Variants in FBXL17 observed in about 807,000 individuals in gnomAD.
The protein encoded by FBXL17 is F-box/LRR-repeat protein 17.
A neutral mutation model predicts 66.2 loss-of-function variants in FBXL17; 22 were observed. The observed-to-expected ratio is 0.33, with a 90% CI of 0.24 to 0.47. The LOEUF (loss-of-function observed/expected upper bound fraction) is 0.47. FBXL17 is among the 20% of genes least tolerant of loss of function. The pLI is 1.00. For synonymous variants in FBXL17, 474 were observed against 400.5 expected (o/e 1.18, Z -2.19); for missense variants, 878 against 948.2 (o/e 0.93, Z 0.97).
Position 108,112,633 on chromosome 5 carries a change from C to T in FBXL17, c.1745+73484G>A, listed in dbSNP as rs942748324. ...AGAAAAAACAATCAATATAAATAGACATATAAATGACATAGATGATAGAAT... is the reference window on the plus strand; with the variant it reads ...AGAAAAAACAATCAATATAAATAGATATATAAATGACATAGATGATAGAAT... On this transcript the variant is annotated intron_variant, in intron 6 of 8. Coordinates refer to ENST00000542267, the MANE Select transcript of FBXL17 (RefSeq NM_001163315.3). Among the ~76,000 whole-genome samples the T allele has an allele frequency of 2.6e-5, 4 of 152,032 alleles. No homozygotes were observed. The South Asian group carries it at 6.2e-4, about 24-fold the overall frequency.
At chr5:108,330,655 T>G (rs1760077808) in intron 4 of FBXL17, among the ~76,000 whole-genome samples, 1 of 152,084 alleles carries the variant, frequency 6.6e-6, no homozygotes, top group Non-Finnish European at 1.5e-5. Flanking sequence ...CCCCTTCTAA[T>G]AAACTCACAC....
intron 7 of FBXL17, among the ~76,000 whole-genome samples, chr5:108,006,084 A>T (rs1316536183): frequency 6.6e-6 from 1 of 152,226 alleles, no homozygotes; most frequent in Non-Finnish European, 1.5e-5. Context: ...AAATGTCTAA[A>T]TATTTATTTG....
intron 6 of FBXL17, among the ~76,000 whole-genome samples, chr5:108,145,879 C>T (rs1197583313): frequency 1.3e-5 from 2 of 150,902 alleles, no homozygotes; most frequent in East Asian, 1.9e-4. Flanking sequence ...TAATCAGTAC[C>T]GACACTGAGA....
At chr5:108,224,528 TACACACAC>T (rs138044828) in intron 4 of FBXL17, among the ~76,000 whole-genome samples, 38 of 147,256 alleles carry the variant, frequency 2.6e-4, no homozygotes, top group African/African-American at 8.5e-4. Context: ...TGTATATGTA[TACACACAC>T]ACACACACAC....
At chr5:108,108,546 T>G (rs1160320855) in intron 6 of FBXL17, among the ~76,000 whole-genome samples, 1 of 152,198 alleles carries the variant, frequency 6.6e-6, no homozygotes, top group Non-Finnish European at 1.5e-5. Flanking sequence ...ATAATCATGT[T>G]AGGATAGATC....
chr5:107,861,422 T>G lies in FBXL17; in HGVS notation c.*298A>C, dbSNP rs1361974084. The G allele has an allele frequency of 2.1e-5, 4 of 187,358 alleles. No individual in the cohort carries two copies. The East Asian group carries it at 5.0e-4, about 24-fold the overall frequency. 11.6% of individuals were successfully genotyped at this position (187,358 alleles called of 1,614,324 possible). A position where few individuals can be genotyped will look rare whatever the true frequency, so the allele number is the denominator to read the frequency against. On this transcript the variant is annotated 3_prime_UTR_variant, in exon 9 of 9. Transcript: ENST00000542267. ...TAGAAGCTCAAAATAATACATCCAA[T>G]TTTTTGACTCTATATTAAAAATAAT...
At chr5:108,061,428 A>G (rs749681246) in intron 6 of FBXL17, among the ~76,000 whole-genome samples, 16 of 152,208 alleles carry the variant, frequency 1.1e-4, no homozygotes, top group Admixed American at 1.3e-4. Flanking sequence ...AGAGAAAATG[A>G]GCACAAGGCT....
At chr5:108,338,115 T>C (rs1039747288) in intron 4 of FBXL17, among the ~76,000 whole-genome samples, 3 of 152,146 alleles carry the variant, frequency 2.0e-5, no homozygotes, top group Non-Finnish European at 2.9e-5. Flanking sequence ...TACAAAATTA[T>C]CTTCAAATAC....
At chr5:108,353,022 CTT>C (rs1747748301) in intron 3 of FBXL17, among the ~76,000 whole-genome samples, 2 of 152,098 alleles carry the variant, frequency 1.3e-5, no homozygotes, top group Admixed American at 1.3e-4. Context: ...ACACCTTGGG[CTT>C]TCCACATAAT....
At chr5:108,143,726 GAAAAA>G (rs67537467) in intron 6 of FBXL17, among the ~76,000 whole-genome samples, 3 of 107,548 alleles carry the variant, frequency 2.8e-5, no homozygotes, top group African/African-American at 8.2e-5. Flanking sequence ...GTTTTCATGG[GAAAAA>G]AAAAAAAAAA....
intron 6 of FBXL17, among the ~76,000 whole-genome samples, chr5:108,055,608 CAAAAAAA>C (rs55653715): frequency 2.3e-4 from 12 of 51,148 alleles, no homozygotes; most frequent in African/African-American, 4.4e-4. Context: ...GACTCTGTCT[CAAAAAAA>C]AAAAAAAAAA....
intron 7 of FBXL17, among the ~76,000 whole-genome samples, chr5:107,974,426 T>C (rs1752504611): frequency 6.6e-6 from 1 of 152,142 alleles, no homozygotes; most frequent in Admixed American, 6.5e-5. Flanking sequence ...TCTTAATACT[T>C]ATAAAGACTT....
At chr5:108,182,149 C>T (rs932560246) in intron 6 of FBXL17, among the ~76,000 whole-genome samples, 9 of 152,186 alleles carry the variant, frequency 5.9e-5, no homozygotes, top group Admixed American at 5.9e-4. Context: ...AGCAGGAACT[C>T]AGTGCCCCAC....
In FBXL17 at chr5:107,989,294, C is replaced by T. The variant is rs1465475864; in HGVS notation, c.1822+31631G>A. Among the ~76,000 whole-genome samples, 8 of 152,100 alleles carry T rather than the reference C, an allele frequency of 5.3e-5. No homozygotes were observed. In the East Asian group the frequency reaches 1.5e-3, roughly 29 times the overall value. ...ACCAACCTCTCTTCATCTCTCCCTA[C>T]CCCCTTCCCAGTCTCTGGTGACCAC... On this transcript the variant is annotated intron_variant, in intron 7 of 8. Coordinates refer to ENST00000542267, the MANE Select transcript of FBXL17 (RefSeq NM_001163315.3).
chr5:107,880,611 A>G, intron 8 of FBXL17: 2 of 1,101,026 alleles, frequency 1.8e-6, no homozygotes, highest in Non-Finnish European at 2.2e-6. Context: ...CAGTACCAAA[A>G]TTACACACTT....
chr5:108,341,702 C>T (rs1172725371), intron 4 of FBXL17, among the ~76,000 whole-genome samples: 3 of 152,116 alleles, frequency 2.0e-5, no homozygotes, highest in Non-Finnish European at 4.4e-5. Context: ...CTGGTCCTTT[C>T]TTTCTTTTCC....
rs114742708 is a variant in FBXL17 at position 108,239,796 on chromosome 5, G to A, written c.1507-15568C>T. On this transcript the variant is annotated intron_variant, in intron 4 of 8. Coordinates refer to ENST00000542267, the MANE Select transcript of FBXL17 (RefSeq NM_001163315.3). ...GGCAGCACAGCTTGCAGCTCCAGGAGAGACTCCTTCCTTCCGCTTGAAGAG... is the reference window on the plus strand; with the variant it reads ...GGCAGCACAGCTTGCAGCTCCAGGAAAGACTCCTTCCTTCCGCTTGAAGAG... Among the ~76,000 whole-genome samples the A allele has an allele frequency of 1.9e-3, 285 of 152,012 alleles. 1 individual carries two copies. Among genetic ancestry groups the A allele is most frequent in the African/African-American group, 5.9e-3 (243 of 41,462 alleles).
intron 4 of FBXL17, among the ~76,000 whole-genome samples, chr5:108,254,982 A>T (rs1438069354): frequency 6.6e-6 from 1 of 152,188 alleles, no homozygotes; most frequent in Non-Finnish European, 1.5e-5. Context: ...TGCTGGAAAT[A>T]ATTTAGTATG....
chr5:108,086,794 C>T (rs286781), intron 6 of FBXL17, among the ~76,000 whole-genome samples: 33,854 of 152,002 alleles, frequency 0.22, 4,288 homozygotes, highest in South Asian at 0.44. Flanking sequence ...CCCCTGACCT[C>T]AAGTGATCCA....
Sources: allele counts gnomAD v4.1 joint callset (sites outside exome capture counted in the v4.1 genomes callset), GRCh38; gene constraint gnomAD v4.1.1; transcripts MANE v1.5; gene names NCBI Gene and HGNC (gene_info 2026-07-23, HGNC 2026-07-21).